ADH1C: variants seen among roughly 807,000 people sequenced by gnomAD.
ADH1C encodes the protein alcohol dehydrogenase 1C.
A neutral mutation model predicts 35.0 loss-of-function variants in ADH1C; 26 were observed. That is an observed-to-expected ratio of 0.74 (90% CI 0.54 to 1.03). The LOEUF (loss-of-function observed/expected upper bound fraction) is 1.03, where lower values mean the gene tolerates loss of function less well. ADH1C is among the 50% of genes least tolerant of loss of function. The pLI is 0.00. For missense variants in ADH1C, 413 were observed against 465.4 expected (o/e 0.89, Z 1.04); for synonymous variants, 170 against 169.3 (o/e 1.00, Z -0.03).
intron 6 of ADH1C, 104 bp from the exon 7 acceptor site, chr4:99,340,814 G>C: frequency 6.6e-7 from 1 of 1,507,358 alleles, no homozygotes; most frequent in East Asian, 2.3e-5. Flanking sequence ...TGAGTGTGTA[G>C]AGGGAAGAGA....
At chr4:99,346,724 G>A (rs1187261487) in intron 3 of ADH1C, among the ~76,000 whole-genome samples, 6 of 152,006 alleles carry the variant, frequency 3.9e-5, no homozygotes, top group Admixed American at 3.9e-4. Flanking sequence ...ACACTGGTAG[G>A]CACTGTGTCT....
chr4:99,339,436 A>T, intron 8 of ADH1C, 141 bp downstream of exon 8: 1 of 744,450 alleles, frequency 1.3e-6, no homozygotes. Context: ...CCATGCAAAG[A>T]TTGAACTGGC....
chr4:99,338,187 G>T (rs193058265), intron 8 of ADH1C, among the ~76,000 whole-genome samples: 3 of 150,848 alleles, frequency 2.0e-5, no homozygotes, highest in African/African-American at 7.3e-5. Context: ...TTTATTCTTT[G>T]CTTATTGATA....
intron 2 of ADH1C, 79 bp from the exon 3 acceptor site, chr4:99,347,223 AATTGTTATTCAAAAAT>A: frequency 6.6e-7 from 1 of 1,514,750 alleles, no homozygotes; most frequent in Admixed American, 2.3e-5. Flanking sequence ...AATTTTCTAA[AATTGTTATTCAAAAAT>A]ATTCTCAAGG....
chr4:99,339,523 C>A (rs879100934), intron 8 of ADH1C, 54 bp downstream of exon 8: 16 of 1,210,900 alleles, frequency 1.3e-5, no homozygotes, highest in South Asian at 4.9e-5. Context: ...CCCCCCCCCC[C>A]CCCGCCGCTA....
intron 5 of ADH1C, among the ~76,000 whole-genome samples, chr4:99,344,577 A>G (rs891002037): frequency 3.3e-5 from 5 of 152,188 alleles, no homozygotes; most frequent in Non-Finnish European, 7.3e-5. Flanking sequence ...TTGAATTACA[A>G]CATGAATTAG....
intron 5 of ADH1C, among the ~76,000 whole-genome samples, chr4:99,344,371 C>T (rs1298924118): frequency 2.6e-5 from 4 of 152,154 alleles, no homozygotes; most frequent in Non-Finnish European, 5.9e-5. Context: ...TAAGAATCCA[C>T]AGAGTGGGTG....
At chr4:99,348,117 A>AT (rs916369490) in intron 1 of ADH1C, among the ~76,000 whole-genome samples, 20 of 151,890 alleles carry the variant, frequency 1.3e-4, no homozygotes, top group African/African-American at 3.9e-4. Context: ...ATTTTATTTT[A>AT]TTTTTTTTGA....
chr4:99,337,579 T>G (rs933359093), intron 8 of ADH1C, among the ~76,000 whole-genome samples: 5 of 152,074 alleles, frequency 3.3e-5, no homozygotes, highest in African/African-American at 7.2e-5. Flanking sequence ...CGACTGAGAA[T>G]TTTATATATA....
Position 99,344,922 on chromosome 4 carries a change from T to G in ADH1C, c.507A>C (p.Lys169Asn), listed in dbSNP as rs1413284579. 1 of 1,614,072 alleles carries G rather than the reference T, an allele frequency of 6.2e-7. No individual in the cohort carries two copies. The highest frequency in any genetic ancestry group is 8.5e-7 in the Non-Finnish European group (1 of 1,180,044). The change falls in exon 5 of 9, where the codon AAA becomes AAC. Residue 169 changes from lysine to asparagine, a missense_variant. Coordinates refer to ENST00000515683, the MANE Select transcript of ADH1C (RefSeq NM_000669.5). ...AKIDAASPLE[K>N]VCLIGCGFST... is the part of the protein sequence containing the mutation. ...AAAATCCACAGCCAATGAGGCAGAC[T>G]TTCTCCAGGGGCGAGGCTGCATCAA... is the stretch of plus-strand genomic sequence containing the variant.
intron 3 of ADH1C, 141 bp from the exon 4 acceptor site, chr4:99,345,407 T>G: frequency 1.1e-6 from 1 of 909,054 alleles, no homozygotes. Flanking sequence ...CTATGTCATT[T>G]GTCATTGCCT....
chr4:99,348,434 T>C (rs1384711753), intron 1 of ADH1C, among the ~76,000 whole-genome samples: 1 of 151,940 alleles, frequency 6.6e-6, no homozygotes, highest in Non-Finnish European at 1.5e-5. Context: ...GCTTCATCCA[T>C]GTCCCTACAA....
At chr4:99,345,824 A>G (rs932282844) in intron 3 of ADH1C, among the ~76,000 whole-genome samples, 1 of 152,196 alleles carries the variant, frequency 6.6e-6, no homozygotes, top group African/African-American at 2.4e-5. Context: ...TTTGAGGAAA[A>G]CTAACAAAAA....
At chr4:99,345,125 C>A (rs765257888) in intron 4 of ADH1C, 44 bp from the exon 5 acceptor site, 14 of 1,613,786 alleles carry the variant, frequency 8.7e-6, no homozygotes, top group African/African-American at 1.3e-5. Context: ...TGAGACAGGA[C>A]CATAACTAAT....
chr4:99,343,203 G>A, intron 5 of ADH1C, 148 bp from the exon 6 acceptor site: 2 of 1,197,532 alleles, frequency 1.7e-6, no homozygotes, highest in Non-Finnish European at 2.3e-6. Context: ...GGCTTGAAAT[G>A]CTTCATGTTT....
At chr4:99,351,949 G>C (rs1319022994) in intron 1 of ADH1C, among the ~76,000 whole-genome samples, 1 of 152,146 alleles carries the variant, frequency 6.6e-6, no homozygotes, top group Non-Finnish European at 1.5e-5. Flanking sequence ...GTGCTAATAA[G>C]TGATTCAAAT....
chr4:99,345,342 T>A, intron 3 of ADH1C, 76 bp from the exon 4 acceptor site: 2 of 1,370,738 alleles, frequency 1.5e-6, no homozygotes, highest in Non-Finnish European at 2.0e-6. Flanking sequence ...CGCTCACATG[T>A]ATAGATTAGA....
At chr4:99,340,058 C>T (rs544451077) in intron 7 of ADH1C, among the ~76,000 whole-genome samples, 51 of 152,204 alleles carry the variant, frequency 3.4e-4, no homozygotes, top group African/African-American at 1.1e-3. Flanking sequence ...CCTTGCCTTA[C>T]GCAGTCACAA....
Position 99,347,147 on chromosome 4 carries a change from A to G in ADH1C, c.121-3T>C, listed in dbSNP as rs34379379. ...CGACAGATTCCTGCAGCCACCATCT[A>G]CAGAATAAAGAGAAGATGTTTAGAT... On this transcript the variant is annotated splice_region_variant and splice_polypyrimidine_tract_variant and intron_variant, in intron 2 of 8. Coordinates refer to ENST00000515683, the MANE Select transcript of ADH1C (RefSeq NM_000669.5). The G allele has an allele frequency of 4.7e-5, 76 of 1,612,658 alleles. No homozygotes were observed. The East Asian group carries it at 1.6e-3, about 34-fold the overall frequency.
Sources: gnomAD v4.1 joint callset for allele counts (sites outside exome capture counted in the v4.1 genomes callset) on GRCh38, gnomAD v4.1.1 for gene constraint, MANE v1.5 for transcripts, NCBI Gene and HGNC (gene_info 2026-07-23, HGNC 2026-07-21) for gene names.